ECE1: variants seen among roughly 807,000 people sequenced by gnomAD.
The protein encoded by ECE1 is endothelin converting enzyme 1.
In ECE1, 35 loss-of-function variants were observed where a neutral mutation model predicts 98.6. The observed-to-expected ratio is 0.35, with a 90% CI of 0.27 to 0.47. The LOEUF (loss-of-function observed/expected upper bound fraction) is 0.47, where lower values mean the gene tolerates loss of function less well. ECE1 is among the 20% of genes least tolerant of loss of function. The pLI, the probability that ECE1 is intolerant of heterozygous loss-of-function variation, is 1.00. For synonymous variants in ECE1, 394 were observed against 407.1 expected, an observed-to-expected ratio of 0.97 and a Z score of 0.39; for missense variants, 814 against 1,025.3, an observed-to-expected ratio of 0.79 and a Z score of 2.81.
chr1:21,272,659 C>T (rs148350409), intron 4 of ECE1, 40 bp downstream of exon 4: 49 of 1,611,420 alleles, frequency 3.0e-5, no homozygotes, highest in South Asian at 2.4e-4. Context: ...GACAGCTCCC[C>T]GCTGTGGCCC....
intron 9 of ECE1, among the ~76,000 whole-genome samples, chr1:21,247,008 G>T (rs2103263211): frequency 1.3e-5 from 2 of 152,318 alleles, no homozygotes; most frequent in South Asian, 4.1e-4. Flanking sequence ...CTTAAGAAAG[G>T]TTACGAAATT....
At position 21,258,657 on chromosome 1, in the gene ECE1, C is replaced by A. The variant is rs746586628; in HGVS notation, c.762+36G>T. Reference sequence around the variant, plus strand: ...ACTCAAAACAGGAAGAGGTCGTGCCCGCCCCCTCGACCGCTGCAGGTTCAA... The same window carrying A: ...ACTCAAAACAGGAAGAGGTCGTGCCAGCCCCCTCGACCGCTGCAGGTTCAA... On this transcript the variant is annotated intron_variant, in intron 6 of 18. Transcript: ENST00000374893. This position sits in a 1 kb window ranked among gnomAD's most constrained non-coding sequence, Gnocchi z 4.2. 4 of 1,613,752 alleles carry A rather than the reference C, an allele frequency of 2.5e-6. No homozygotes were observed. Among genetic ancestry groups the A allele is most frequent in the Middle Eastern group, 1.6e-4 (1 of 6,080 alleles).
At chr1:21,308,785 C>T (rs1172026615) in intron 1 of ECE1, among the ~76,000 whole-genome samples, 1 of 152,132 alleles carries the variant, frequency 6.6e-6, no homozygotes, top group Non-Finnish European at 1.5e-5. Context: ...CTGCAAGTCC[C>T]CCAGGGCTCC....
chr1:21,340,025 T>C lies in ECE1; in HGVS notation c.3+5351A>G, dbSNP rs1409758944. 6.6e-6 allele frequency among the ~76,000 whole-genome samples: 1 copy of C among 152,218 alleles called. No individual in the cohort carries two copies. The highest frequency in any genetic ancestry group is 1.5e-5 in the Non-Finnish European group (1 of 68,038). ...AGGACAAGTGAACCCCCCTCCTAAT[T>C]TTTTATGTGTCCAAAACTTGGCGTC... On this transcript the variant is annotated intron_variant, in intron 1 of 18. Transcript: ENST00000415912. This position sits in a 1 kb window ranked among gnomAD's most constrained non-coding sequence, Gnocchi z 4.6.
intron 1 of ECE1, among the ~76,000 whole-genome samples, chr1:21,297,280 C>T (rs1638381108): frequency 6.6e-6 from 1 of 152,192 alleles, no homozygotes. Context: ...GAGGCCACCC[C>T]ATGCCCAAGC....
chr1:21,326,649 G>A (rs999800947), intron 1 of ECE1, among the ~76,000 whole-genome samples: 3 of 152,104 alleles, frequency 2.0e-5, no homozygotes, highest in Non-Finnish European at 4.4e-5. Flanking sequence ...TTGGAGCAGC[G>A]TAGGGAGGTG....
intron 2 of ECE1, 39 bp from the exon 3 acceptor site, chr1:21,279,371 G>GC (rs751629153): frequency 6.2e-7 from 1 of 1,613,720 alleles, no homozygotes; most frequent in East Asian, 2.2e-5. Context: ...GAAGACGTGA[G>GC]CCCCGGGCCC....
intron 4 of ECE1, among the ~76,000 whole-genome samples, chr1:21,263,357 A>ATTTTTT (rs199626661): frequency 8.8e-6 from 1 of 113,140 alleles, no homozygotes. Context: ...CTTTTTTTAT[A>ATTTTTT]TTTATTTTTT....
intron 2 of ECE1, among the ~76,000 whole-genome samples, chr1:21,283,406 G>T (rs929962925): frequency 6.6e-6 from 1 of 151,970 alleles, no homozygotes; most frequent in Admixed American, 6.6e-5. Context: ...GAGTAGCTGG[G>T]ATTACAGGTG....
At chr1:21,279,506 A>T in intron 2 of ECE1, 174 bp from the exon 3 acceptor site, 1 of 1,484,470 alleles carries the variant, frequency 6.7e-7, no homozygotes, top group Non-Finnish European at 9.0e-7. Flanking sequence ...AGGAACAGCC[A>T]CCCTGCTCAG....
chr1:21,223,889 C>A (rs1375743860), intron 17 of ECE1, among the ~76,000 whole-genome samples: 2 of 152,214 alleles, frequency 1.3e-5, no homozygotes, highest in South Asian at 2.1e-4. Context: ...TGAGCCACTG[C>A]GCCCGGCTGA....
At chr1:21,281,889 G>A (rs2098254968) in intron 2 of ECE1, among the ~76,000 whole-genome samples, 1 of 152,174 alleles carries the variant, frequency 6.6e-6, no homozygotes, top group African/African-American at 2.4e-5. Flanking sequence ...TAGAGACAGG[G>A]TTTCACCATG....
At chr1:21,266,934 G>A (rs2098234650) in intron 4 of ECE1, 1 of 152,246 alleles carries the variant, frequency 6.6e-6, no homozygotes, top group Non-Finnish European at 1.5e-5. Context: ...TCACATCGTT[G>A]AGTCAATGCT....
At chr1:21,224,012 G>A (rs949595204) in intron 17 of ECE1, among the ~76,000 whole-genome samples, 3 of 151,996 alleles carry the variant, frequency 2.0e-5, no homozygotes, top group Admixed American at 1.3e-4. Context: ...AGCCGCAGCC[G>A]ACAGAAGCCT....
intron 15 of ECE1, among the ~76,000 whole-genome samples, 163 bp downstream of exon 15, chr1:21,227,768 G>A (rs973289117): frequency 6.6e-6 from 1 of 152,160 alleles, no homozygotes; most frequent in African/African-American, 2.4e-5. Flanking sequence ...TCACTGGAGG[G>A]AAGGAAAGTG....
At chr1:21,326,476 A>G (rs1639080659) in intron 1 of ECE1, among the ~76,000 whole-genome samples, 1 of 152,144 alleles carries the variant, frequency 6.6e-6, no homozygotes, top group Admixed American at 6.5e-5. Flanking sequence ...TCCAGGGAGA[A>G]GAAGGTGCCT....
At chr1:21,314,392 A>G (rs1266819170) in intron 1 of ECE1, among the ~76,000 whole-genome samples, 1 of 152,182 alleles carries the variant, frequency 6.6e-6, no homozygotes, top group Admixed American at 6.5e-5. Context: ...CTCTCCCTCC[A>G]GGGCTTGGCT....
chr1:21,241,422 TG>T (rs2098196102), intron 10 of ECE1, among the ~76,000 whole-genome samples: 1 of 141,344 alleles, frequency 7.1e-6, no homozygotes, highest in African/African-American at 2.8e-5. Context: ...GTGGTTGAGG[TG>T]TTTTTTTTTT....
At chr1:21,245,201 T>C in intron 9 of ECE1, 98 bp from the exon 10 acceptor site, 1 of 1,069,304 alleles carries the variant, frequency 9.4e-7, no homozygotes, top group Admixed American at 2.0e-5. Context: ...AAACTTGGCC[T>C]GTGACCCCAG....
Sources: allele counts gnomAD v4.1 joint callset (sites outside exome capture counted in the v4.1 genomes callset), GRCh38; gene constraint gnomAD v4.1.1; non-coding constraint Gnocchi (gnomAD v3.1); transcripts MANE v1.5; gene names NCBI Gene and HGNC (gene_info 2026-07-23, HGNC 2026-07-21).